Variants in DNTT observed in about 807,000 individuals in gnomAD.
The protein encoded by DNTT is DNA nucleotidylexotransferase.
A neutral mutation model predicts 60.9 loss-of-function variants in DNTT; 47 were observed. That is an observed-to-expected ratio of 0.77 (90% CI 0.61 to 0.98). The LOEUF is 0.98. Among genes scored for constraint, DNTT ranks in the 50% least tolerant of loss-of-function variants. The pLI is 0.00. For missense variants in DNTT, 665 were observed against 627.5 expected, an observed-to-expected ratio of 1.06 and a Z score of -0.64; for synonymous variants, 224 against 221.2, an observed-to-expected ratio of 1.01 and a Z score of -0.11.
At chr10:96,319,101 G>A (rs1328215504) in intron 2 of DNTT, among the ~76,000 whole-genome samples, 161 bp from the exon 3 acceptor site, 1 of 151,906 alleles carries the variant, frequency 6.6e-6, no homozygotes, top group Admixed American at 6.6e-5. Context: ...AATACGTGTT[G>A]ATAATAGCAA....
At chr10:96,322,616 CCAA>C in intron 4 of DNTT, 38 bp from the exon 5 acceptor site, 1 of 1,516,900 alleles carries the variant, frequency 6.6e-7, no homozygotes, top group South Asian at 1.2e-5. Flanking sequence ...CAGTAATTGT[CCAA>C]CATCACTAAT....
Position 96,319,299 on chromosome 10 carries a change from C to G in DNTT, c.416C>G (p.Pro139Arg). Residue 139 changes from proline to arginine, a missense_variant, in exon 3 of 11, where the codon CCC becomes CGC. Transcript: ENST00000371174. ...TATTCAGATAGCACCAACCCAGGCCCCCCGAAGACTCCACCAATTGCTGTA... is the reference window on the plus strand; with the variant it reads ...TATTCAGATAGCACCAACCCAGGCCGCCCGAAGACTCCACCAATTGCTGTA... ...RDYSDSTNPG[P>R]PKTPPIAVQK... The G allele has an allele frequency of 6.2e-7, 1 of 1,613,802 alleles. No individual in the cohort carries two copies. The highest frequency in any genetic ancestry group is 8.5e-7 in the Non-Finnish European group (1 of 1,179,778).
intron 9 of DNTT, among the ~76,000 whole-genome samples, chr10:96,333,925 A>G (rs1845036584): frequency 6.6e-6 from 1 of 152,234 alleles, no homozygotes; most frequent in African/African-American, 2.4e-5. Context: ...TGGTGACTAT[A>G]GTTAATAAAA....
chr10:96,327,345 A>T, intron 6 of DNTT, 123 bp from the exon 7 acceptor site: 1 of 1,377,324 alleles, frequency 7.3e-7, no homozygotes, highest in Non-Finnish European at 1.0e-6. Context: ...GTGGGAATGG[A>T]GTTTGGTGTT....
At chr10:96,306,139 G>C (rs1351505310) in intron 1 of DNTT, among the ~76,000 whole-genome samples, 1 of 148,580 alleles carries the variant, frequency 6.7e-6, no homozygotes, top group Non-Finnish European at 1.5e-5. Flanking sequence ...TGTTGCCCGG[G>C]TTGGAGTGCA....
chr10:96,320,474 G>A (rs1442002213), intron 3 of DNTT, 144 bp from the exon 4 acceptor site: 1 of 836,154 alleles, frequency 1.2e-6, no homozygotes, highest in Non-Finnish European at 1.9e-6. Context: ...AGGCATACAA[G>A]GGTATGGGAG....
chr10:96,306,039 C>T (rs954840623), intron 1 of DNTT, among the ~76,000 whole-genome samples: 1 of 151,562 alleles, frequency 6.6e-6, no homozygotes, highest in African/African-American at 2.4e-5. Flanking sequence ...ACATAGAAGG[C>T]TAGAGTTGGA....
intron 1 of DNTT, among the ~76,000 whole-genome samples, chr10:96,307,401 C>A (rs1844652480): frequency 8.4e-6 from 1 of 119,152 alleles, no homozygotes; most frequent in African/African-American, 3.2e-5. Context: ...CTGTCCCAGG[C>A]TGGAGTGCAG....
At chr10:96,330,326 T>A (rs1844991651) in intron 8 of DNTT, among the ~76,000 whole-genome samples, 1 of 152,082 alleles carries the variant, frequency 6.6e-6, no homozygotes. Flanking sequence ...CTTTTTTTTT[T>A]TTTTTTTAAG....
intron 1 of DNTT, among the ~76,000 whole-genome samples, chr10:96,314,901 G>A (rs1844770034): frequency 6.6e-6 from 1 of 152,170 alleles, no homozygotes; most frequent in Non-Finnish European, 1.5e-5. Context: ...TAGACAAACA[G>A]CTGCCACAAG....
At chr10:96,332,256 G>A in intron 8 of DNTT, 95 bp from the exon 9 acceptor site, 1 of 1,532,680 alleles carries the variant, frequency 6.5e-7, no homozygotes, top group Non-Finnish European at 8.8e-7. Flanking sequence ...TCCATGTTCT[G>A]CTCGAATCTG....
chr10:96,326,043 A>C (rs1188425923), intron 6 of DNTT, among the ~76,000 whole-genome samples: 3 of 152,216 alleles, frequency 2.0e-5, no homozygotes, highest in Non-Finnish European at 4.4e-5. Context: ...AGCCAATTAA[A>C]TTACTTTCAT....
chr10:96,313,916 T>A (rs1844752091), intron 1 of DNTT, among the ~76,000 whole-genome samples: 1 of 152,154 alleles, frequency 6.6e-6, no homozygotes, highest in Non-Finnish European at 1.5e-5. Flanking sequence ...GGCTCCCCCT[T>A]GACACGTCCA....
At chr10:96,332,969 C>A (rs1312011844) in intron 9 of DNTT, among the ~76,000 whole-genome samples, 2 of 152,084 alleles carry the variant, frequency 1.3e-5, no homozygotes. Context: ...GTAGGAGAAC[C>A]ACTGAAGTAC....
chr10:96,337,664 G>A (rs1026583108), intron 10 of DNTT, among the ~76,000 whole-genome samples: 1 of 152,198 alleles, frequency 6.6e-6, no homozygotes, highest in African/African-American at 2.4e-5. Flanking sequence ...TTAGAGGCAA[G>A]CATGGAAAGC....
At chr10:96,333,050 A>C (rs1057082404) in intron 9 of DNTT, among the ~76,000 whole-genome samples, 10 of 152,242 alleles carry the variant, frequency 6.6e-5, no homozygotes, top group Admixed American at 2.0e-4. Context: ...ATTGGGAAAA[A>C]ATATCTGCAC....
intron 1 of DNTT, among the ~76,000 whole-genome samples, chr10:96,317,706 G>A (rs1285187335): frequency 4.6e-5 from 7 of 152,186 alleles, no homozygotes; most frequent in African/African-American, 1.7e-4. Flanking sequence ...GACACACAGT[G>A]GGTGCCATCT....
chr10:96,336,718 G>A (rs1157241559), intron 10 of DNTT, among the ~76,000 whole-genome samples: 3 of 152,012 alleles, frequency 2.0e-5, no homozygotes, highest in South Asian at 2.1e-4. Flanking sequence ...AGGCCGAGGC[G>A]GGTGGATCAC....
intron 10 of DNTT, 60 bp downstream of exon 10, chr10:96,336,034 G>C: frequency 6.4e-7 from 1 of 1,560,476 alleles, no homozygotes; most frequent in Admixed American, 1.7e-5. Flanking sequence ...TGGCCCCCGA[G>C]CTTTTTTCAT....
Sources: gnomAD v4.1 joint callset for allele counts (sites outside exome capture counted in the v4.1 genomes callset) on GRCh38, gnomAD v4.1.1 for gene constraint, MANE v1.5 for transcripts, NCBI Gene and HGNC (gene_info 2026-07-23, HGNC 2026-07-21) for gene names.